COL19A1: variants seen among roughly 807,000 people sequenced by gnomAD.
The protein encoded by COL19A1 is collagen alpha-1(XIX) chain.
A neutral mutation model predicts 190.2 loss-of-function variants in COL19A1; 159 were observed. The observed-to-expected ratio is 0.84, with a 90% CI of 0.73 to 0.95. The LOEUF (loss-of-function observed/expected upper bound fraction) is 0.95, where lower values mean the gene tolerates loss of function less well. Among genes scored for constraint, COL19A1 ranks in the 40% least tolerant of loss-of-function variants. The pLI is 0.00. For synonymous variants in COL19A1, 509 were observed against 458.9 expected, an observed-to-expected ratio of 1.11 and a Z score of -1.39; for missense variants, 1,418 against 1,431.9, an observed-to-expected ratio of 0.99 and a Z score of 0.16.
intron 2 of COL19A1, among the ~76,000 whole-genome samples, chr6:69,894,978 T>C (rs1479329187): frequency 6.6e-6 from 1 of 152,234 alleles, no homozygotes; most frequent in Non-Finnish European, 1.5e-5. Context: ...AAACATTTTT[T>C]AATGCTTGAG....
At chr6:70,176,671 A>G (rs1406005141) in intron 42 of COL19A1, 107 bp downstream of exon 42, 2 of 959,594 alleles carry the variant, frequency 2.1e-6, no homozygotes, top group East Asian at 2.9e-5. Flanking sequence ...CATAACTCCC[A>G]TGGCATTAGG....
chr6:69,910,116 C>T (rs1367676778), intron 4 of COL19A1, among the ~76,000 whole-genome samples: 2 of 152,038 alleles, frequency 1.3e-5, no homozygotes, highest in African/African-American at 4.8e-5. Context: ...CCAATAATTT[C>T]TTTTCACCAG....
chr6:70,074,467 C>A (rs949070425), intron 15 of COL19A1, among the ~76,000 whole-genome samples: 4 of 138,476 alleles, frequency 2.9e-5, no homozygotes, highest in African/African-American at 1.1e-4. Context: ...CCACTATACT[C>A]CAGCCTGGGT....
chr6:70,198,549 G>T (rs1409060359), intron 48 of COL19A1, among the ~76,000 whole-genome samples: 3 of 152,054 alleles, frequency 2.0e-5, no homozygotes, highest in African/African-American at 4.8e-5. Context: ...TAAATGTGAG[G>T]TATACTAAAT....
At chr6:70,195,136 G>GATATATATATATATATATATAT (rs202055762) in intron 48 of COL19A1, among the ~76,000 whole-genome samples, 3 of 136,018 alleles carry the variant, frequency 2.2e-5, no homozygotes, top group African/African-American at 5.3e-5. Context: ...CATCATTGAT[G>GATATATATATATATATATATAT]ATATATATAT....
At chr6:70,178,696 G>A (rs1446666337) in intron 42 of COL19A1, among the ~76,000 whole-genome samples, 1 of 152,100 alleles carries the variant, frequency 6.6e-6, no homozygotes, top group Non-Finnish European at 1.5e-5. Context: ...AAGCAGGGCT[G>A]GGGCCTGCCC....
Position 69,897,458 on chromosome 6 carries a change from TACAC to T in COL19A1, c.92-1463_92-1460del, listed in dbSNP as rs71760023. ...AATTTGAGAATCAGCTTGTCAGTTT[TACAC>T]ACACACACACACACACACACACACA... On this transcript the variant is annotated intron_variant, in intron 2 of 50. Transcript: ENST00000620364. Among the ~76,000 whole-genome samples the T allele has an allele frequency of 4.6e-3, 670 of 145,274 alleles. 4 individuals carry two copies. Among genetic ancestry groups the T allele is most frequent in the African/African-American group, 0.012 (440 of 37,234 alleles).
At chr6:69,988,059 C>G (rs1349665445) in intron 11 of COL19A1, among the ~76,000 whole-genome samples, 1 of 152,150 alleles carries the variant, frequency 6.6e-6, no homozygotes. Flanking sequence ...ACTATTGACC[C>G]TGCTGTAAGA....
chr6:70,031,001 A>T (rs948107003), intron 12 of COL19A1, among the ~76,000 whole-genome samples: 9 of 152,194 alleles, frequency 5.9e-5, no homozygotes, highest in Non-Finnish European at 1.3e-4. Flanking sequence ...TTTTGTAAAC[A>T]TATTCACATC....
intron 49 of COL19A1, among the ~76,000 whole-genome samples, chr6:70,206,215 C>T (rs1386006416): frequency 3.3e-5 from 5 of 152,146 alleles, no homozygotes; most frequent in Non-Finnish European, 5.9e-5. Flanking sequence ...TTCATTTAGC[C>T]TATACCTTGC....
chr6:69,932,288 G>A (rs781324435), intron 6 of COL19A1, among the ~76,000 whole-genome samples: 17 of 151,986 alleles, frequency 1.1e-4, no homozygotes, highest in African/African-American at 3.4e-4. Context: ...GGCAGAATTC[G>A]TGAAATATAG....
At chr6:70,190,493 T>A (rs1465153520) in intron 48 of COL19A1, 112 bp downstream of exon 48, 2 of 701,874 alleles carry the variant, frequency 2.8e-6, no homozygotes, top group African/African-American at 1.8e-5. Context: ...ACAAAAACCT[T>A]AAGGGGCAGC....
chr6:70,190,838 C>T (rs1766818206), intron 48 of COL19A1, among the ~76,000 whole-genome samples: 1 of 152,170 alleles, frequency 6.6e-6, no homozygotes, highest in Non-Finnish European at 1.5e-5. Flanking sequence ...ACTGTACCCC[C>T]TAGCCAAAGC....
intron 2 of COL19A1, among the ~76,000 whole-genome samples, chr6:69,880,798 TACA>T (rs1304414970): frequency 7.9e-5 from 12 of 152,222 alleles, no homozygotes. Flanking sequence ...TCATGGCAAC[TACA>T]ACTATGTAAA....
chr6:69,961,844 A>T (rs1774818662), intron 10 of COL19A1, among the ~76,000 whole-genome samples: 1 of 152,170 alleles, frequency 6.6e-6, no homozygotes, highest in Non-Finnish European at 1.5e-5. Context: ...CTAAATATGT[A>T]TGTATACATG....
At chr6:70,063,448 A>G (rs1780970009) in intron 14 of COL19A1, among the ~76,000 whole-genome samples, 2 of 152,216 alleles carry the variant, frequency 1.3e-5, no homozygotes, top group African/African-American at 4.8e-5. Flanking sequence ...ACAAAGACAC[A>G]ACATACCAGA....
intron 1 of COL19A1, among the ~76,000 whole-genome samples, chr6:69,875,266 A>G (rs1266813103): frequency 6.6e-6 from 1 of 152,216 alleles, no homozygotes; most frequent in African/African-American, 2.4e-5. Context: ...GAATGGTACC[A>G]TATGAGGCTG....
At chr6:69,867,211 A>G (rs1472830063) in intron 1 of COL19A1, among the ~76,000 whole-genome samples, 1 of 151,278 alleles carries the variant, frequency 6.6e-6, no homozygotes, top group Non-Finnish European at 1.5e-5. Context: ...TACCTACTCC[A>G]CATGTGGGTG....
chr6:69,900,712 A>C (rs888474271), intron 4 of COL19A1, among the ~76,000 whole-genome samples: 5 of 152,152 alleles, frequency 3.3e-5, no homozygotes, highest in Non-Finnish European at 7.4e-5. Context: ...TTATTGTATA[A>C]ATTTTTAGAT....
Sources: allele counts gnomAD v4.1 joint callset (sites outside exome capture counted in the v4.1 genomes callset), GRCh38; gene constraint gnomAD v4.1.1; transcripts MANE v1.5; gene names NCBI Gene and HGNC (gene_info 2026-07-23, HGNC 2026-07-21).